Variants in LTBP1 observed in about 807,000 individuals in gnomAD.
LTBP1 encodes latent transforming growth factor beta binding protein 1, also known as latent-transforming growth factor beta-binding protein 1.
A neutral mutation model predicts 207.6 loss-of-function variants in LTBP1; 129 were observed. That is an observed-to-expected ratio of 0.62 (90% CI 0.54 to 0.72). The LOEUF (loss-of-function observed/expected upper bound fraction) is 0.72, where lower values mean the gene tolerates loss of function less well. Ranked by LOEUF, LTBP1 falls within the 30% of genes least tolerant of loss-of-function variation. The pLI, the probability that LTBP1 is intolerant of heterozygous loss-of-function variation, is 0.00. For synonymous variants in LTBP1, 963 were observed against 833.7 expected (o/e 1.16, Z -2.67); for missense variants, 2,281 against 2,217.2 (o/e 1.03, Z -0.58).
chr2:33,183,882 C>G (rs1009932610), intron 5 of LTBP1, among the ~76,000 whole-genome samples: 1 of 152,142 alleles, frequency 6.6e-6, no homozygotes, highest in African/African-American at 2.4e-5. Flanking sequence ...TTTTCAGACC[C>G]CATCCAGCAT....
At position 33,134,417 on chromosome 2, in the gene LTBP1, A is replaced by G. The variant is rs2081995839; in HGVS notation, c.1034-376A>G. Reference sequence around the variant, plus strand: ...CTAGGTGCACGGCCAACCCCTTTGCATTACATCTGCCTGTCAGGGTTGGCT... The same window carrying G: ...CTAGGTGCACGGCCAACCCCTTTGCGTTACATCTGCCTGTCAGGGTTGGCT... On this transcript the variant is annotated intron_variant, in intron 4 of 33. Coordinates refer to ENST00000404816, the MANE Select transcript of LTBP1 (RefSeq NM_206943.4). The surrounding 1 kb of genome is among the most constrained non-coding windows in gnomAD (Gnocchi z 4.4). The G allele has an allele frequency of 3.5e-6, 2 of 572,802 alleles. No individual in the cohort carries two copies. Among genetic ancestry groups the G allele is most frequent in the Non-Finnish European group, 6.4e-6 (2 of 311,616 alleles). The allele number at this position is 572,802 out of a possible 1,614,324, so 35.5% of individuals were successfully genotyped here.
rs2094720860 is a variant in LTBP1 at position 33,347,552 on chromosome 2, C to G, written c.4000+42C>G. ...CTGTGCAAGGGAATGACAGGCTCCTCTCAAAGACCTGCACCCACACAGCTT... is the reference window on the plus strand; with the variant it reads ...CTGTGCAAGGGAATGACAGGCTCCTGTCAAAGACCTGCACCCACACAGCTT... On this transcript the variant is annotated intron_variant, in intron 26 of 33. Coordinates refer to ENST00000404816, the MANE Select transcript of LTBP1 (RefSeq NM_206943.4). 3.1e-6 allele frequency: 5 copies of G among 1,610,936 alleles called. No homozygotes were observed. In the African/African-American group the frequency reaches 4.0e-5, roughly 13 times the overall value.
chr2:33,350,531 T>G (rs1292642044), intron 26 of LTBP1, among the ~76,000 whole-genome samples: 4 of 152,250 alleles, frequency 2.6e-5, no homozygotes. Context: ...GATGAACCTT[T>G]AAGGTACTTT....
intron 24 of LTBP1, among the ~76,000 whole-genome samples, chr2:33,321,944 C>T (rs2149347538): frequency 6.6e-6 from 1 of 152,292 alleles, no homozygotes; most frequent in African/African-American, 2.4e-5. Flanking sequence ...TGTGAATGTA[C>T]TTCTGCAGAA....
rs58504404 is a variant in LTBP1, at chr2:33,297,399, C to CTTTATTTA, written c.3236-3009_3236-3002dup. 3.1e-3 allele frequency among the ~76,000 whole-genome samples: 431 copies of CTTTATTTA among 140,378 alleles called. 2 individuals carry two copies. Among genetic ancestry groups the CTTTATTTA allele is most frequent in the Non-Finnish European group, 3.7e-3 (239 of 65,280 alleles). The allele number at this position is 140,378 out of a possible 152,430, so 92.1% of individuals were successfully genotyped here. On this transcript the variant is annotated intron_variant, in intron 20 of 33. Transcript: ENST00000404816. Reference sequence around the variant, plus strand: ...GTCAGAGCTAGGATCTAATATACTGCTTTATTTATTTATTTATTTATTTAT... The same window carrying CTTTATTTA: ...GTCAGAGCTAGGATCTAATATACTGCTTTATTTATTTATTTATTTATTTATTTATTTAT...
At chr2:33,081,600 CAG>C (rs1039192572) in intron 3 of LTBP1, among the ~76,000 whole-genome samples, 6 of 152,190 alleles carry the variant, frequency 3.9e-5, no homozygotes, top group East Asian at 1.9e-4. Context: ...TGGTTCTAAA[CAG>C]GGGAGTAGTA....
At chr2:33,197,739 A>G (rs144600688) in intron 7 of LTBP1, among the ~76,000 whole-genome samples, 110 of 152,266 alleles carry the variant, frequency 7.2e-4, no homozygotes, top group African/African-American at 2.6e-3. Context: ...AAGGCCTTCT[A>G]TGGGAAGCAT....
At chr2:33,066,898 A>G (rs1188872654) in intron 3 of LTBP1, among the ~76,000 whole-genome samples, 4 of 152,240 alleles carry the variant, frequency 2.6e-5, no homozygotes, top group Non-Finnish European at 5.9e-5. Context: ...AAAATTGTTT[A>G]AGACTCTTCT....
chr2:33,223,429 A>G (rs796460477), intron 9 of LTBP1, among the ~76,000 whole-genome samples: 18 of 152,320 alleles, frequency 1.2e-4, no homozygotes, highest in African/African-American at 3.8e-4. Context: ...TAACCACTTA[A>G]GGAGAGGACA....
intron 15 of LTBP1, among the ~76,000 whole-genome samples, chr2:33,272,031 G>C (rs1055537057): frequency 1.3e-5 from 2 of 152,054 alleles, no homozygotes; most frequent in African/African-American, 4.8e-5. Flanking sequence ...AAATACATGG[G>C]GTGTGCATAC....
chr2:32,962,629 A>G (rs1679309846), intron 2 of LTBP1, among the ~76,000 whole-genome samples: 1 of 152,334 alleles, frequency 6.6e-6, no homozygotes, highest in South Asian at 2.1e-4. Context: ...GTTTTACGAG[A>G]ATGTATATTA....
chr2:33,392,168 T>A (rs2095320069), intron 32 of LTBP1, among the ~76,000 whole-genome samples: 1 of 143,828 alleles, frequency 7.0e-6, no homozygotes, highest in Non-Finnish European at 1.5e-5. Context: ...TTGCCCTTTA[T>A]AAGGGCCAGG....
chr2:33,322,071 A>G (rs1056005961), intron 24 of LTBP1, among the ~76,000 whole-genome samples: 1 of 151,988 alleles, frequency 6.6e-6, no homozygotes, highest in Non-Finnish European at 1.5e-5. Flanking sequence ...TGTCTTCCAT[A>G]TATCAACATT....
chr2:33,238,629 A>G (rs2092167428), intron 9 of LTBP1, among the ~76,000 whole-genome samples: 1 of 152,136 alleles, frequency 6.6e-6, no homozygotes, highest in South Asian at 2.1e-4. Context: ...GTAACATAAC[A>G]TTTTGTCCTA....
chr2:33,340,257 C>CAAAAA (rs1198759101), intron 24 of LTBP1, among the ~76,000 whole-genome samples: 2 of 89,930 alleles, frequency 2.2e-5, no homozygotes, highest in East Asian at 7.4e-4. Flanking sequence ...GACTCTGTCT[C>CAAAAA]AAAAAAAAAA....
At chr2:33,004,804 T>C (rs1450405407) in intron 2 of LTBP1, among the ~76,000 whole-genome samples, 1 of 144,728 alleles carries the variant, frequency 6.9e-6, no homozygotes, top group African/African-American at 2.5e-5. Context: ...TATATATATA[T>C]ATATATATAT....
chr2:33,014,652 C>G (rs1374155880), intron 2 of LTBP1, among the ~76,000 whole-genome samples: 4 of 152,146 alleles, frequency 2.6e-5, no homozygotes, highest in Non-Finnish European at 5.9e-5. Context: ...CTAAGGGTTA[C>G]TTTTTTAGAA....
intron 2 of LTBP1, among the ~76,000 whole-genome samples, chr2:32,976,596 A>C (rs1047296375): frequency 1.3e-5 from 2 of 152,106 alleles, no homozygotes; most frequent in African/African-American, 4.8e-5. Context: ...GGGGTTAGAG[A>C]GATGACTCCC....
intron 3 of LTBP1, among the ~76,000 whole-genome samples, chr2:33,089,949 A>G (rs1368802584): frequency 6.6e-6 from 1 of 152,254 alleles, no homozygotes; most frequent in African/African-American, 2.4e-5. Context: ...CAACTTGTCT[A>G]TAGTTTGATC....
Sources: allele counts gnomAD v4.1 joint callset (sites outside exome capture counted in the v4.1 genomes callset), GRCh38; gene constraint gnomAD v4.1.1; non-coding constraint Gnocchi (gnomAD v3.1); transcripts MANE v1.5; gene names NCBI Gene and HGNC (gene_info 2026-07-23, HGNC 2026-07-21).